The following OXNAD1 variants were observed in gnomAD, a reference collection of about 807,000 sequenced individuals.
OXNAD1 encodes oxidoreductase NAD binding domain containing 1, also known as oxidoreductase NAD-binding domain-containing protein 1.
A neutral mutation model predicts 32.9 loss-of-function variants in OXNAD1; 34 were observed. The observed-to-expected ratio is 1.03, with a 90% confidence interval of 0.79 to 1.38. OXNAD1 has a LOEUF of 1.38. Ranked by LOEUF, OXNAD1 falls within the 40% of genes most tolerant of loss-of-function variation. The pLI is 0.00. For synonymous variants in OXNAD1, 134 were observed against 135.2 expected, an observed-to-expected ratio of 0.99 and a Z score of 0.06; for missense variants, 407 against 379.4, an observed-to-expected ratio of 1.07 and a Z score of -0.60.
At chr3:16,310,938 C>T (rs1228248690), downstream of OXNAD1, among the ~76,000 whole-genome samples, 3 of 136,586 alleles carry the variant, frequency 2.2e-5, no homozygotes, top group African/African-American at 8.4e-5. Context: ...TGTGGTGAGC[C>T]GAAATTGTGC....
chr3:16,345,810 GTGTGTGTGCGCGCGCGCGTGCGCGCA>G lies in OXNAD1; in HGVS notation c.*31-3365_*31-3340del, dbSNP rs1273790446. On this transcript the variant is annotated intron_variant, in intron 9 of 9. Transcript: ENST00000606098. This position sits in a 1 kb window ranked among gnomAD's most constrained non-coding sequence, Gnocchi z 5.2. ...TCTCTGTGTGTGTGTGTGTGTGTGT[GTGTGTGTGCGCGCGCGCGTGCGCGCA>G]CGCGCACATGTGCATGTGTATGTGT... 1.3e-3 allele frequency among the ~76,000 whole-genome samples: 111 copies of G among 85,628 alleles called. No homozygotes were observed. The highest frequency in any genetic ancestry group is 3.6e-3 in the South Asian group (10 of 2,746). The allele number at this position is 85,628 out of a possible 152,430, so 56.2% of individuals were successfully genotyped here.
In OXNAD1 at chr3:16,299,995, C is replaced by T. The variant is rs1292114533; in HGVS notation, c.433-1631C>T. Among the ~76,000 whole-genome samples the T allele has an allele frequency of 6.6e-6, 1 of 152,174 alleles. No individual in the cohort carries two copies. Among genetic ancestry groups the T allele is most frequent in the Non-Finnish European group, 1.5e-5 (1 of 68,022 alleles). On this transcript the variant is annotated intron_variant, in intron 6 of 8. Transcript: ENST00000285083. This position sits in a 1 kb window ranked among gnomAD's most constrained non-coding sequence, Gnocchi z 4.4. ...CCCTGTGAGGTGGGCAGTGCAGGTG[C>T]TGGTACCCATTTTCCAGGGGTGGCA...
intron 9 of OXNAD1, among the ~76,000 whole-genome samples, chr3:16,328,588 G>A (rs1431967524): frequency 1.3e-5 from 2 of 152,176 alleles, no homozygotes; most frequent in Admixed American, 1.3e-4. Flanking sequence ...TATAAAATGG[G>A]TACTGGTCTA....
intron 5 of OXNAD1, among the ~76,000 whole-genome samples, chr3:16,292,905 C>T (rs1225130625): frequency 2.6e-5 from 4 of 152,200 alleles, no homozygotes; most frequent in Non-Finnish European, 5.9e-5. Flanking sequence ...GTCAGTACAA[C>T]AGCATTTTCA....
In OXNAD1 at chr3:16,348,566, A is replaced by G. The variant is rs2071888430; in HGVS notation, c.*31-610A>G. Among the ~76,000 whole-genome samples the G allele has an allele frequency of 6.6e-6, 1 of 152,068 alleles. No individual in the cohort carries two copies. The highest frequency in any genetic ancestry group is 2.4e-5 in the African/African-American group (1 of 41,414). On this transcript the variant is annotated intron_variant, in intron 9 of 9. Coordinates refer to the OXNAD1 transcript ENST00000606098. This position sits in a 1 kb window ranked among gnomAD's most constrained non-coding sequence, Gnocchi z 6.3. ...AGGGCACTTCTGGTCAGCAGGGCAC[A>G]ATTAGCCTTGAATGCCTTCCCATTT...
At position 16,265,864 on chromosome 3, in the gene OXNAD1, G is replaced by A. The variant is rs1223396738; in HGVS notation, c.-159+359G>A. ...GCCCAGGAACAAATTACTTATGTGA[G>A]TACCAGTTTTTTCGTTGTGAAAGAA... On this transcript the variant is annotated intron_variant, in intron 1 of 8. Transcript: ENST00000285083. This position sits in a 1 kb window ranked among gnomAD's most constrained non-coding sequence, Gnocchi z 4.8. 4.1e-6 allele frequency: 4 copies of A among 985,246 alleles called. No individual in the cohort carries two copies. The highest frequency in any genetic ancestry group is 4.8e-6 in the Non-Finnish European group (4 of 829,768). 61.0% of individuals were successfully genotyped at this position (985,246 alleles called of 1,614,324 possible).
At chr3:16,324,419 C>A (rs116734273) in intron 9 of OXNAD1, among the ~76,000 whole-genome samples, 248 of 152,302 alleles carry the variant, frequency 1.6e-3, no homozygotes, top group African/African-American at 5.8e-3. Context: ...CTTTGATCAA[C>A]ATCTCTCGTT....
rs1467279733 is a variant in OXNAD1, at chr3:16,345,818, GCGCGCGCGCGTGCGCGCACGCGCACA to G, written c.*31-3357_*31-3332del. On this transcript the variant is annotated intron_variant, in intron 9 of 9. Coordinates refer to the OXNAD1 transcript ENST00000606098. This position sits in a 1 kb window ranked among gnomAD's most constrained non-coding sequence, Gnocchi z 5.2. ...TGTGTGTGTGTGTGTGTGTGTGTGT[GCGCGCGCGCGTGCGCGCACGCGCACA>G]TGTGCATGTGTATGTGTATAATCTC... 0.019 allele frequency among the ~76,000 whole-genome samples: 1,199 copies of G among 61,630 alleles called. 22 individuals are homozygous for G. Among genetic ancestry groups the G allele is most frequent in the East Asian group, 0.12 (291 of 2,482 alleles). 40.4% of individuals were successfully genotyped at this position (61,630 alleles called of 152,430 possible). A position where few individuals can be genotyped will look rare whatever the true frequency, so the allele number is the denominator to read the frequency against.
intron 4 of OXNAD1, among the ~76,000 whole-genome samples, chr3:16,273,384 G>GTTTTTTTTTT (rs34572763): frequency 1.7e-5 from 2 of 121,032 alleles, no homozygotes; most frequent in Non-Finnish European, 3.3e-5. Context: ...GTATTTTCTT[G>GTTTTTTTTTT]TTTTTTTTTT....
intron 9 of OXNAD1, among the ~76,000 whole-genome samples, chr3:16,325,406 G>C (rs929918299): frequency 4.6e-5 from 7 of 152,234 alleles, no homozygotes; most frequent in South Asian, 2.1e-4. Flanking sequence ...CTGAGACAGA[G>C]AGACCTGTCT....
In OXNAD1 at chr3:16,314,759, A is replaced by T. The variant is rs1439123910; in HGVS notation, c.*30+11167A>T. On this transcript the variant is annotated intron_variant, in intron 9 of 9. Coordinates refer to the OXNAD1 transcript ENST00000435829. The surrounding 1 kb of genome is among the most constrained non-coding windows in gnomAD (Gnocchi z 4.4). Reference sequence around the variant, plus strand: ...CATAAATGTCAATTAATTAATTGAAAAATGTACCCAAAGCTGAGCAATGTA... The same window carrying T: ...CATAAATGTCAATTAATTAATTGAATAATGTACCCAAAGCTGAGCAATGTA... 2.0e-5 allele frequency: 3 copies of T among 152,210 alleles called. No individual in the cohort carries two copies. The highest frequency in any genetic ancestry group is 4.8e-5 in the African/African-American group (2 of 41,458). 9.4% of individuals were successfully genotyped at this position (152,210 alleles called of 1,614,324 possible). A position where few individuals can be genotyped will look rare whatever the true frequency, so the allele number is the denominator to read the frequency against.
rs543324741 is a variant in OXNAD1 at position 16,288,911 on chromosome 3, A to G, written c.290+2463A>G. On this transcript the variant is annotated intron_variant, in intron 5 of 8. Transcript: ENST00000285083. The surrounding 1 kb of genome is among the most constrained non-coding windows in gnomAD (Gnocchi z 5.1). Reference sequence around the variant, plus strand: ...AGATTCACATTTGGCTGTGGTGCTCACTGCCTGCCTCTGGCATTGGTTATG... The same window carrying G: ...AGATTCACATTTGGCTGTGGTGCTCGCTGCCTGCCTCTGGCATTGGTTATG... 1.4e-4 allele frequency among the ~76,000 whole-genome samples: 21 copies of G among 152,232 alleles called. No homozygotes were observed. In the East Asian group the frequency reaches 4.1e-3, roughly 29 times the overall value.
At chr3:16,268,904 A>G (rs1425416737) in intron 1 of OXNAD1, among the ~76,000 whole-genome samples, 1 of 152,162 alleles carries the variant, frequency 6.6e-6, no homozygotes, top group Non-Finnish European at 1.5e-5. Context: ...GGTGTTAAAG[A>G]CAGGCAAGGA....
intron 1 of OXNAD1, among the ~76,000 whole-genome samples, chr3:16,266,104 G>A (rs2064477296): frequency 6.6e-6 from 1 of 152,160 alleles, no homozygotes; most frequent in East Asian, 1.9e-4. Context: ...ATCTGGGATC[G>A]GAATCTTGAG....
At chr3:16,300,299 G>T (rs2067090384) in intron 6 of OXNAD1, among the ~76,000 whole-genome samples, 1 of 152,110 alleles carries the variant, frequency 6.6e-6, no homozygotes, top group Non-Finnish European at 1.5e-5. Context: ...AATATAAATG[G>T]TTAGGCAGAT....
At position 16,301,994 on chromosome 3, in the gene OXNAD1, T is replaced by C; in HGVS notation, c.675+126T>C. ...CAAAAGGCTTGGCAAGATTTAATCA[T>C]GCTTAAATGAGAACTAACCAACACA... On this transcript the variant is annotated intron_variant, in intron 7 of 8. Transcript: ENST00000285083. The surrounding 1 kb of genome is among the most constrained non-coding windows in gnomAD (Gnocchi z 4.1). 7.9e-7 allele frequency: 1 copy of C among 1,266,258 alleles called. No homozygotes were observed. Among genetic ancestry groups the C allele is most frequent in the Non-Finnish European group, 1.1e-6 (1 of 927,708 alleles). 78.4% of individuals were successfully genotyped at this position (1,266,258 alleles called of 1,614,324 possible). A position where few individuals can be genotyped will look rare whatever the true frequency, so the allele number is the denominator to read the frequency against.
Position 16,317,084 on chromosome 3 carries a change from C to T in OXNAD1, c.*30+13492C>T, listed in dbSNP as rs2068483081. 1 of 1,613,878 alleles carries T rather than the reference C, an allele frequency of 6.2e-7. No homozygotes were observed. Among genetic ancestry groups the T allele is most frequent in the South Asian group, 1.1e-5 (1 of 91,068 alleles). On this transcript the variant is annotated intron_variant, in intron 9 of 9. Transcript: ENST00000435829. The surrounding 1 kb of genome is among the most constrained non-coding windows in gnomAD (Gnocchi z 4.3). ...ACCCTCCTGCTGCTGTCCTGAAACA[C>T]AGTTTCCCATGTCTCCAGCTTTGGA...
At position 16,312,850 on chromosome 3, in the gene OXNAD1, C is replaced by G. The variant is rs1189439533; in HGVS notation, c.*30+9258C>G. Among the ~76,000 whole-genome samples, 1 of 151,774 alleles carries G rather than the reference C, an allele frequency of 6.6e-6. No homozygotes were observed. Among genetic ancestry groups the G allele is most frequent in the Non-Finnish European group, 1.5e-5 (1 of 67,848 alleles). ...AGTGAAGCATGGTCAACCTGGAGATCTGAAAAAATCTGACAGGCATTTGAC... is the reference window on the plus strand; with the variant it reads ...AGTGAAGCATGGTCAACCTGGAGATGTGAAAAAATCTGACAGGCATTTGAC... On this transcript the variant is annotated intron_variant, in intron 9 of 9. Transcript: ENST00000435829. This position sits in a 1 kb window ranked among gnomAD's most constrained non-coding sequence, Gnocchi z 4.7.
intron 2 of OXNAD1, 127 bp from the exon 3 acceptor site, chr3:16,270,818 G>T (rs2064871030): frequency 7.3e-7 from 1 of 1,362,046 alleles, no homozygotes; most frequent in Non-Finnish European, 9.9e-7. Context: ...TGGCTGCTTT[G>T]GTGGTAACTT....
Sources: gnomAD v4.1 joint callset for allele counts (sites outside exome capture counted in the v4.1 genomes callset) on GRCh38, gnomAD v4.1.1 for gene constraint, Gnocchi (gnomAD v3.1) non-coding constraint, MANE v1.5 for transcripts, NCBI Gene and HGNC (gene_info 2026-07-23, HGNC 2026-07-21) for gene names.